INSC: variants seen among roughly 807,000 people sequenced by gnomAD.
INSC encodes protein inscuteable homolog.
INSC carries 67 observed loss-of-function variants against 58.6 expected under a neutral mutation model. That is an observed-to-expected ratio of 1.14 (90% CI 0.94 to 1.40). The LOEUF is 1.40. INSC is among the 40% of genes most tolerant of loss of function. The pLI is 0.00. For missense variants in INSC, 714 were observed against 692.0 expected (o/e 1.03, Z -0.36); for synonymous variants, 262 against 276.1 (o/e 0.95, Z 0.51).
At chr11:15,122,615 C>A (rs1847899942) in intron 1 of INSC, among the ~76,000 whole-genome samples, 1 of 152,192 alleles carries the variant, frequency 6.6e-6, no homozygotes, top group African/African-American at 2.4e-5. Context: ...ACAGACCTGG[C>A]AGTCATCCTC....
intron 5 of INSC, among the ~76,000 whole-genome samples, chr11:15,187,084 G>A (rs1237265812): frequency 6.6e-6 from 1 of 152,116 alleles, no homozygotes; most frequent in East Asian, 1.9e-4. Flanking sequence ...GACCTTAGCT[G>A]AGAGTATTGA....
Position 15,138,805 on chromosome 11 carries a change from G to GT in INSC, c.-45-10318dup, listed in dbSNP as rs746424180. Among the ~76,000 whole-genome samples, 9 of 152,214 alleles carry GT rather than the reference G, an allele frequency of 5.9e-5. No individual in the cohort carries two copies. The South Asian group carries it at 8.3e-4, about 14-fold the overall frequency. On this transcript the variant is annotated intron_variant, in intron 1 of 12. Transcript: ENST00000379556. ...ATTTTGACCACAACCCTGAGGATAG[G>GT]TTTTTTTCCCATTTTACGGATGTAG...
At chr11:15,118,719 G>T (rs1195363994) in intron 1 of INSC, among the ~76,000 whole-genome samples, 1 of 152,148 alleles carries the variant, frequency 6.6e-6, no homozygotes, top group Non-Finnish European at 1.5e-5. Context: ...TTTAGACTCT[G>T]GTTGTCCCCT....
upstream of INSC, among the ~76,000 whole-genome samples, chr11:15,113,470 TATC>T (rs1297399586): frequency 5.3e-5 from 8 of 152,136 alleles, no homozygotes; most frequent in Admixed American, 5.2e-4. Flanking sequence ...AGACTATTCT[TATC>T]ATACCACCTG....
the INSC span, among the ~76,000 whole-genome samples, chr11:15,254,691 G>A: frequency 6.6e-6 from 1 of 152,198 alleles, no homozygotes; most frequent in South Asian, 2.1e-4. Context: ...CGTGGTTACA[G>A]TGAAAGTTAA....
At chr11:15,169,961 G>T (rs1206597167) in intron 2 of INSC, among the ~76,000 whole-genome samples, 2 of 152,140 alleles carry the variant, frequency 1.3e-5, no homozygotes, top group Non-Finnish European at 2.9e-5. Flanking sequence ...ATGAGAGATT[G>T]GTTCCAGGAC....
chr11:15,222,954 T>G (rs1026566134), intron 8 of INSC, among the ~76,000 whole-genome samples: 8 of 152,234 alleles, frequency 5.3e-5, no homozygotes, highest in Admixed American at 1.3e-4. Flanking sequence ...GTTACTTTCC[T>G]AAGGCCACAA....
At chr11:15,148,836 G>C (rs1177653295) in intron 1 of INSC, among the ~76,000 whole-genome samples, 1 of 152,198 alleles carries the variant, frequency 6.6e-6, no homozygotes, top group East Asian at 1.9e-4. Flanking sequence ...CGTATGGGCT[G>C]TGTGTCCCAA....
At chr11:15,263,528 C>T in the INSC span, among the ~76,000 whole-genome samples, 1 of 152,100 alleles carries the variant, frequency 6.6e-6, no homozygotes, top group Admixed American at 6.6e-5. Flanking sequence ...GAACAACAGC[C>T]AGTTTCTTAA....
At position 15,246,096 on chromosome 11, in the gene INSC, C is replaced by A; in HGVS notation, c.*56C>A. 2 of 1,595,082 alleles carry A rather than the reference C, an allele frequency of 1.3e-6. No homozygotes were observed. Among genetic ancestry groups the A allele is most frequent in the South Asian group, 1.1e-5 (1 of 89,998 alleles). ...TTCTCACACCCCCTCTGACTATGCA[C>A]CAGTGAACACATCTGAGTACATACC... On this transcript the variant is annotated 3_prime_UTR_variant, in exon 13 of 13. Coordinates refer to ENST00000379556, the MANE Select transcript of INSC (RefSeq NM_001042536.3).
upstream of INSC, among the ~76,000 whole-genome samples, chr11:15,113,119 C>T (rs201473663): frequency 0.015 from 1,131 of 72,968 alleles, 6 homozygotes; most frequent in Middle Eastern, 0.025. Context: ...TTCTCTCTCT[C>T]TCTTTCTTTC....
chr11:15,143,785 G>A (rs1378181881), intron 1 of INSC, among the ~76,000 whole-genome samples: 1 of 151,782 alleles, frequency 6.6e-6, no homozygotes, highest in Non-Finnish European at 1.5e-5. Flanking sequence ...TGAGGGAAAG[G>A]GATGTATCCA....
At chr11:15,150,486 C>T (rs576758570) in intron 2 of INSC, among the ~76,000 whole-genome samples, 35 of 152,190 alleles carry the variant, frequency 2.3e-4, no homozygotes, top group Non-Finnish European at 3.5e-4. Context: ...CCATTGTTCA[C>T]CTCAGTGCAC....
Position 15,225,665 on chromosome 11 carries a change from C to G in INSC, c.1007C>G (p.Ala336Gly). ...TGCCATCCAGAACTGTGCCAAGAGG[C>G]CTCATCAGGGGAAGTCTTCCTACTG... ...VTALVKLCQEASSGEVFLLAS... is the reference protein window; with the variant it reads ...VTALVKLCQEGSSGEVFLLAS... Residue 336 changes from alanine to glycine, a missense_variant, in exon 9 of 13, where the codon GCC becomes GGC. Ala to Gly is a moderately conservative substitution (Grantham distance 60). Transcript: ENST00000379556. 1.9e-6 allele frequency: 3 copies of G among 1,614,086 alleles called. No homozygotes were observed. The highest frequency in any genetic ancestry group is 1.3e-5 in the African/African-American group (1 of 75,058).
chr11:15,263,263 AGAG>A, the INSC span, among the ~76,000 whole-genome samples: 1 of 152,122 alleles, frequency 6.6e-6, no homozygotes, highest in African/African-American at 2.4e-5. Flanking sequence ...GAGTTCCAGA[AGAG>A]GAGGAGAGAA....
upstream of INSC, chr11:15,112,422 G>A: frequency 6.7e-7 from 1 of 1,488,214 alleles, no homozygotes; most frequent in Admixed American, 2.0e-5. Flanking sequence ...GCTGTTCACA[G>A]GGGCCTCTGT....
At chr11:15,216,270 A>G (rs1477865136) in intron 7 of INSC, among the ~76,000 whole-genome samples, 2 of 152,162 alleles carry the variant, frequency 1.3e-5, no homozygotes, top group African/African-American at 2.4e-5. Context: ...AGATGGAGAG[A>G]ACTGAATTCT....
intron 7 of INSC, among the ~76,000 whole-genome samples, chr11:15,218,197 C>T (rs970250908): frequency 6.6e-5 from 10 of 152,122 alleles, no homozygotes; most frequent in Admixed American, 6.6e-4. Flanking sequence ...TACCATACAA[C>T]AGTGAAAATA....
At chr11:15,217,204 C>T (rs999841828) in intron 7 of INSC, among the ~76,000 whole-genome samples, 2 of 152,132 alleles carry the variant, frequency 1.3e-5, no homozygotes, top group African/African-American at 4.8e-5. Context: ...CATCCTTGTT[C>T]ACATGGCAGC....
Sources: allele counts gnomAD v4.1 joint callset (sites outside exome capture counted in the v4.1 genomes callset), GRCh38; gene constraint gnomAD v4.1.1; transcripts MANE v1.5; gene names NCBI Gene and HGNC (gene_info 2026-07-23, HGNC 2026-07-21).